MROH2A: variants seen among roughly 807,000 people sequenced by gnomAD.
MROH2A encodes the protein maestro heat-like repeat-containing protein family member 2A.
MROH2A carries 174 observed loss-of-function variants against 200.4 expected under a neutral mutation model. The observed-to-expected ratio is 0.87, with a 90% CI of 0.77 to 0.98. The LOEUF (loss-of-function observed/expected upper bound fraction) is 0.98. MROH2A is among the 50% of genes least tolerant of loss of function. MROH2A has a pLI of 0.00. For missense variants in MROH2A, 2,045 were observed against 2,139.6 expected, an observed-to-expected ratio of 0.96 and a Z score of 0.87; for synonymous variants, 829 against 840.4, an observed-to-expected ratio of 0.99 and a Z score of 0.23.
At chr2:233,783,361 T>A (rs187250538) in intron 3 of MROH2A, among the ~76,000 whole-genome samples, 2 of 152,324 alleles carry the variant, frequency 1.3e-5, no homozygotes, top group East Asian at 3.9e-4. Flanking sequence ...GGCTTTTCTT[T>A]GATAAGAAAC....
At chr2:233,775,832 A>G (rs1700689048), upstream of MROH2A, 1 of 152,236 alleles carries the variant, frequency 6.6e-6, no homozygotes, top group African/African-American at 2.4e-5. Context: ...CCCATGTGTC[A>G]TTAGAGGGAC....
At chr2:233,809,302 G>A (rs1253509550) in intron 22 of MROH2A, 24 bp downstream of exon 22, 4 of 1,546,838 alleles carry the variant, frequency 2.6e-6, no homozygotes, top group Non-Finnish European at 2.6e-6. Context: ...CTGCCTGGGG[G>A]GATGTCTTCT....
In MROH2A at chr2:233,822,223, C is replaced by A; in HGVS notation, c.3612C>A (p.Pro1204=). 1 of 1,548,298 alleles carries A rather than the reference C, an allele frequency of 6.5e-7. No individual in the cohort carries two copies. Among genetic ancestry groups the A allele is most frequent in the South Asian group, 1.2e-5 (1 of 84,060 alleles). Residue 1204 remains proline, a synonymous_variant, in exon 32 of 42, where the codon CCC becomes CCA. Coordinates refer to ENST00000389758, the MANE Select transcript of MROH2A (RefSeq NM_001394639.1). ...GCCGGCTGCAGTCACGGCTCAGCCC[C>A]AGAATCAGTGCCACCTCCAAGGCTG... is the stretch of plus-strand genomic sequence containing the variant. ...LMGRLQSRLS[P]RISATSKADI...
intron 22 of MROH2A, among the ~76,000 whole-genome samples, chr2:233,809,950 G>C (rs536459406): frequency 9.9e-5 from 15 of 152,162 alleles, no homozygotes; most frequent in African/African-American, 3.6e-4. Flanking sequence ...TACTCTTCCT[G>C]TCTGTGTGGC....
intron 11 of MROH2A, among the ~76,000 whole-genome samples, chr2:233,796,541 C>G (rs186071748): frequency 3.7e-4 from 56 of 152,188 alleles, no homozygotes; most frequent in Admixed American, 5.9e-4. Flanking sequence ...ATTGTTAACC[C>G]GAATCCTCCT....
chr2:233,777,838 C>T (rs1700754579), upstream of MROH2A, among the ~76,000 whole-genome samples: 1 of 152,212 alleles, frequency 6.6e-6, no homozygotes, highest in South Asian at 2.1e-4. Flanking sequence ...ACAGGGAAAT[C>T]CTTTGGGCTC....
chr2:233,793,874 C>T (rs17868350), intron 7 of MROH2A, 50 bp downstream of exon 7: 103,937 of 1,340,864 alleles, frequency 0.078, 4,579 homozygotes, highest in East Asian at 0.2. Context: ...GGCCACAGCT[C>T]CCCAGCCTGT....
At chr2:233,788,665 T>C (rs1010000908) in intron 3 of MROH2A, among the ~76,000 whole-genome samples, 42 of 151,238 alleles carry the variant, frequency 2.8e-4, no homozygotes, top group Non-Finnish European at 4.9e-4. Flanking sequence ...CAGCCGGGCG[T>C]GGTGGCTCAC....
At chr2:233,784,664 TC>T (rs1316010503) in intron 3 of MROH2A, among the ~76,000 whole-genome samples, 1 of 152,166 alleles carries the variant, frequency 6.6e-6, no homozygotes, top group Non-Finnish European at 1.5e-5. Context: ...TCTCGCCTTC[TC>T]CCTCATCACA....
rs898705533 is a variant in MROH2A at position 233,804,101 on chromosome 2, C to T, written c.1800C>T (p.Leu600=). The T allele has an allele frequency of 3.2e-6, 5 of 1,550,446 alleles. No homozygotes were observed. In the African/African-American group the frequency reaches 4.1e-5, roughly 13 times the overall value. Residue 600 remains leucine, a synonymous_variant, in exon 17 of 42, where the codon CTC becomes CTT. Transcript: ENST00000389758. ...GGGAGGGTCGTGGGATAGCCATGCT[C>T]AACCTCTTGAGGACCCTGAGCCAGA... ...YKGEGRGIAM[L]NLLRTLSQSI...
chr2:233,798,764 C>A lies in MROH2A; in HGVS notation c.1253-10C>A. The A allele has an allele frequency of 1.3e-6, 2 of 1,549,908 alleles. No homozygotes were observed. Among genetic ancestry groups the A allele is most frequent in the Non-Finnish European group, 1.7e-6 (2 of 1,146,368 alleles). ...ACAGCCCTCCAGCCCACCCAGTTTT[C>A]CTCTTTCAGAGCCCAGGATGAGTAT... On this transcript the variant is annotated splice_polypyrimidine_tract_variant and intron_variant, in intron 11 of 41. Coordinates refer to ENST00000389758, the MANE Select transcript of MROH2A (RefSeq NM_001394639.1).
upstream of MROH2A, chr2:233,775,804 A>G (rs1423524964): frequency 1.3e-5 from 2 of 152,226 alleles, no homozygotes; most frequent in Non-Finnish European, 1.5e-5. Flanking sequence ...CTCATCTTGA[A>G]TTGTAATTCC....
At position 233,814,582 on chromosome 2, in the gene MROH2A, AC is replaced by A; in HGVS notation, c.2764del (p.Leu922CysfsTer6). 6.5e-7 allele frequency: 1 copy of A among 1,549,760 alleles called. No individual in the cohort carries two copies. Among genetic ancestry groups the A allele is most frequent in the South Asian group, 1.2e-5 (1 of 83,944 alleles). ...LPGEDNESIKTLYANALSSLE... is the reference protein window; with the variant it reads ...LPGEDNESIKXLYANALSSLE... Reference sequence around the variant, plus strand: ...ATCTCTCTCTCCCTCTTGGCTGTAGACCCTGTATGCAAATGCCCTGAGCTCC... The same window carrying A: ...ATCTCTCTCTCCCTCTTGGCTGTAGACCTGTATGCAAATGCCCTGAGCTCC... On this transcript the variant is annotated frameshift_variant and splice_region_variant, in exon 26 of 42. Coordinates refer to ENST00000389758, the MANE Select transcript of MROH2A (RefSeq NM_001394639.1). LOFTEE classifies it high-confidence loss of function.
chr2:233,792,762 CA>C (rs1316107268), intron 5 of MROH2A, 33 bp from the exon 6 acceptor site: 1 of 1,398,798 alleles, frequency 7.1e-7, no homozygotes, highest in African/African-American at 1.4e-5. Flanking sequence ...CCCCCAGCCC[CA>C]ACTTCCTGTA....
chr2:233,783,740 A>G (rs780956303), intron 3 of MROH2A, among the ~76,000 whole-genome samples: 19 of 152,124 alleles, frequency 1.2e-4, no homozygotes, highest in Non-Finnish European at 2.1e-4. Context: ...GAGACGGGCC[A>G]TGTTGGCCAG....
chr2:233,805,033 G>A lies in MROH2A; in HGVS notation c.1974G>A (p.Arg658=), dbSNP rs1261149970. The change falls in exon 19 of 42, where the codon CGG becomes CGA. Residue 658 remains arginine (R), a synonymous_variant. Transcript: ENST00000389758. ...TGCGAAACTCCCTCAAGAAGACCCGGGGGTCTAGCTGGAGCCTGCGCTTGA... is the reference window on the plus strand; with the variant it reads ...TGCGAAACTCCCTCAAGAAGACCCGAGGGTCTAGCTGGAGCCTGCGCTTGA... ...QFLRNSLKKT[R]GSSWSLRLSK... The A allele has an allele frequency of 4.5e-6, 7 of 1,550,178 alleles. No individual in the cohort carries two copies. Among genetic ancestry groups the A allele is most frequent in the Middle Eastern group, 3.3e-4 (2 of 5,990 alleles).
At chr2:233,815,845 CTT>C (rs5839494) in intron 26 of MROH2A, among the ~76,000 whole-genome samples, 26,784 of 128,834 alleles carry the variant, frequency 0.21, 2,539 homozygotes, top group African/African-American at 0.24. Flanking sequence ...TTAGATTTTG[CTT>C]TTTTTTTTTT....
chr2:233,814,550 G>T, intron 25 of MROH2A, 32 bp from the exon 26 acceptor site: 1 of 1,521,112 alleles, frequency 6.6e-7, no homozygotes, highest in Non-Finnish European at 8.9e-7. Context: ...GCCCCTCATT[G>T]CCGCCTATCT....
chr2:233,832,370 G>A, intron 40 of MROH2A, 91 bp downstream of exon 40: 1 of 1,129,330 alleles, frequency 8.9e-7, no homozygotes, highest in South Asian at 1.4e-5. Context: ...TCATGAGTGG[G>A]AGGCATGTGG....
Sources: gnomAD v4.1 joint callset for allele counts (sites outside exome capture counted in the v4.1 genomes callset) on GRCh38, gnomAD v4.1.1 for gene constraint, MANE v1.5 for transcripts, NCBI Gene and HGNC (gene_info 2026-07-23, HGNC 2026-07-21) for gene names.